AGPAT3: variants seen among roughly 807,000 people sequenced by gnomAD.
AGPAT3 encodes the protein 1-acylglycerol-3-phosphate O-acyltransferase 3, also known as 1-acyl-sn-glycerol-3-phosphate acyltransferase gamma.
A neutral mutation model predicts 47.3 loss-of-function variants in AGPAT3; 5 were observed. The observed-to-expected ratio is 0.11, with a 90% CI of 0.06 to 0.22. AGPAT3 has a LOEUF of 0.22. Among genes scored for constraint, AGPAT3 ranks in the 10% least tolerant of loss-of-function variants. The pLI is 1.00. For synonymous variants in AGPAT3, 212 were observed against 208.3 expected (o/e 1.02, Z -0.15); for missense variants, 315 against 493.0 (o/e 0.64, Z 3.42).
intron 4 of AGPAT3, 46 bp downstream of exon 4, chr21:43,968,161 G>C: frequency 6.2e-7 from 1 of 1,600,952 alleles, no homozygotes; most frequent in Non-Finnish European, 8.5e-7. Context: ...GGAGGGTCCC[G>C]GGGAGGGCCG....
intron 1 of AGPAT3, among the ~76,000 whole-genome samples, chr21:43,878,361 T>C (rs2085779504): frequency 6.6e-6 from 1 of 152,212 alleles, no homozygotes; most frequent in African/African-American, 2.4e-5. Context: ...CGTGGCTCTG[T>C]CTCTGCGGCC....
At position 43,955,569 on chromosome 21, in the gene AGPAT3, C is replaced by G. The variant is rs1228677448; in HGVS notation, c.-48-4065C>G. Reference sequence around the variant, plus strand: ...TCGGCCTCCCAAAGTGCTCAGATTACAGGTGTGAGCCACCGCGCCCGGCTG... The same window carrying G: ...TCGGCCTCCCAAAGTGCTCAGATTAGAGGTGTGAGCCACCGCGCCCGGCTG... On this transcript the variant is annotated intron_variant, in intron 2 of 9. Coordinates refer to ENST00000291572, the MANE Select transcript of AGPAT3 (RefSeq NM_020132.5). The surrounding 1 kb of genome is among the most constrained non-coding windows in gnomAD (Gnocchi z 4.1). 6.6e-6 allele frequency among the ~76,000 whole-genome samples: 1 copy of G among 151,972 alleles called. No individual in the cohort carries two copies. Among genetic ancestry groups the G allele is most frequent in the African/African-American group, 2.4e-5 (1 of 41,422 alleles).
At chr21:43,962,864 A>G (rs2088941648) in intron 3 of AGPAT3, among the ~76,000 whole-genome samples, 1 of 147,736 alleles carries the variant, frequency 6.8e-6, no homozygotes, top group Non-Finnish European at 1.5e-5. Context: ...CAAGAATGAC[A>G]ACGTAAACAG....
At chr21:43,881,294 C>A (rs931241445) in intron 1 of AGPAT3, among the ~76,000 whole-genome samples, 1 of 152,152 alleles carries the variant, frequency 6.6e-6, no homozygotes, top group Admixed American at 6.5e-5. Flanking sequence ...AACCCCTGCA[C>A]CTGCCTCAAG....
At chr21:43,957,385 T>C (rs1354867988) in intron 2 of AGPAT3, among the ~76,000 whole-genome samples, 2 of 152,186 alleles carry the variant, frequency 1.3e-5, no homozygotes, top group Non-Finnish European at 1.5e-5. Context: ...AGCCCACCCC[T>C]TTGCCCCATG....
intron 2 of AGPAT3, among the ~76,000 whole-genome samples, chr21:43,910,356 G>A (rs1043265369): frequency 5.9e-5 from 9 of 152,228 alleles, no homozygotes; most frequent in Non-Finnish European, 1.2e-4. Flanking sequence ...GTGGCCGCGC[G>A]TATTGCCAGC....
At chr21:43,897,141 T>C (rs1302984841) in intron 1 of AGPAT3, among the ~76,000 whole-genome samples, 1 of 151,768 alleles carries the variant, frequency 6.6e-6, no homozygotes, top group African/African-American at 2.4e-5. Context: ...TACTTGAGAT[T>C]AGGGAGTGGT....
chr21:43,941,716 A>G (rs937196445), intron 2 of AGPAT3, among the ~76,000 whole-genome samples: 1 of 152,364 alleles, frequency 6.6e-6, no homozygotes, highest in East Asian at 1.9e-4. Context: ...GACGGGGGCC[A>G]TGTATACAGG....
intron 2 of AGPAT3, among the ~76,000 whole-genome samples, chr21:43,938,699 C>A (rs1377833652): frequency 6.6e-6 from 1 of 152,214 alleles, no homozygotes; most frequent in Non-Finnish European, 1.5e-5. Flanking sequence ...GTTGCCTTAC[C>A]GTGTTTGTTA....
At chr21:43,924,856 G>A (rs1029510069) in intron 2 of AGPAT3, among the ~76,000 whole-genome samples, 10 of 152,214 alleles carry the variant, frequency 6.6e-5, no homozygotes, top group African/African-American at 2.4e-4. Context: ...GTGGGAATGT[G>A]CGTTTTGGGA....
chr21:43,951,554 G>C (rs2088192270), intron 2 of AGPAT3, among the ~76,000 whole-genome samples: 1 of 152,196 alleles, frequency 6.6e-6, no homozygotes, highest in Non-Finnish European at 1.5e-5. Flanking sequence ...CCCAAGGACA[G>C]CAGGTCCCAT....
At chr21:43,877,776 A>T (rs1043524691) in intron 1 of AGPAT3, among the ~76,000 whole-genome samples, 3 of 152,066 alleles carry the variant, frequency 2.0e-5, no homozygotes, top group African/African-American at 7.2e-5. Flanking sequence ...CTGGCTGAGG[A>T]TATCTTCCCA....
At chr21:43,897,909 C>T (rs368393103) in intron 1 of AGPAT3, among the ~76,000 whole-genome samples, 25 of 152,190 alleles carry the variant, frequency 1.6e-4, no homozygotes, top group African/African-American at 6.0e-4. Context: ...GAGGCCGAGG[C>T]GGGCAGATCA....
intron 8 of AGPAT3, among the ~76,000 whole-genome samples, chr21:43,978,598 CACA>C (rs1366653155): frequency 6.6e-6 from 1 of 152,226 alleles, no homozygotes; most frequent in African/African-American, 2.4e-5. Context: ...CATGAGCCAC[CACA>C]CCTGGTCCCT....
At chr21:43,965,696 A>G (rs1003763323) in intron 3 of AGPAT3, 4 of 152,070 alleles carry the variant, frequency 2.6e-5, no homozygotes, top group East Asian at 1.9e-4. Flanking sequence ...TGCAACCTCC[A>G]TCTTCTGAGG....
At chr21:43,948,047 G>A (rs1186815715) in intron 2 of AGPAT3, 2 of 152,352 alleles carry the variant, frequency 1.3e-5, no homozygotes, top group Middle Eastern at 3.4e-3. Context: ...CCAGGCCCAC[G>A]TGAGTAAGAG....
At chr21:43,949,982 A>C (rs1304867427) in intron 2 of AGPAT3, among the ~76,000 whole-genome samples, 1 of 152,114 alleles carries the variant, frequency 6.6e-6, no homozygotes, top group African/African-American at 2.4e-5. Flanking sequence ...CCCTTCCCCT[A>C]AACTTCCAGT....
chr21:43,949,997 C>G (rs1214758591), intron 2 of AGPAT3, among the ~76,000 whole-genome samples: 1 of 152,224 alleles, frequency 6.6e-6, no homozygotes, highest in Non-Finnish European at 1.5e-5. Context: ...TCCAGTTTCC[C>G]CCTCTCCCAC....
chr21:43,932,577 C>T lies in AGPAT3; in HGVS notation c.-48-27057C>T, dbSNP rs926856588. ...GATGCTGCAGTGAACATGGGCGTGC[C>T]GGTGTCTATTTGACACACTGATTTC... On this transcript the variant is annotated intron_variant, in intron 2 of 9. Transcript: ENST00000291572. The surrounding 1 kb of genome is among the most constrained non-coding windows in gnomAD (Gnocchi z 5.2). Among the ~76,000 whole-genome samples the T allele has an allele frequency of 2.0e-5, 3 of 152,198 alleles. No homozygotes were observed. The highest frequency in any genetic ancestry group is 6.5e-5 in the Admixed American group (1 of 15,280).
Sources: gnomAD v4.1 joint callset for allele counts (sites outside exome capture counted in the v4.1 genomes callset) on GRCh38, gnomAD v4.1.1 for gene constraint, Gnocchi (gnomAD v3.1) non-coding constraint, MANE v1.5 for transcripts, NCBI Gene and HGNC (gene_info 2026-07-23, HGNC 2026-07-21) for gene names.